ANTXR2: variants seen among roughly 807,000 people sequenced by gnomAD.
ANTXR2 encodes ANTXR cell adhesion molecule 2, also known as anthrax toxin receptor 2.
Under a neutral mutation model 73.7 loss-of-function variants are expected in ANTXR2, and 44 were observed. The ratio of observed to expected loss-of-function variants is 0.60; its 90% CI spans 0.47 to 0.77. The LOEUF is 0.77. Ranked by LOEUF, ANTXR2 falls within the 30% of genes least tolerant of loss-of-function variation. The pLI, the probability that ANTXR2 is intolerant of heterozygous loss-of-function variation, is 0.00. For synonymous variants in ANTXR2, 217 were observed against 205.9 expected, an observed-to-expected ratio of 1.05 and a Z score of -0.46; for missense variants, 604 against 592.5, an observed-to-expected ratio of 1.02 and a Z score of -0.20.
chr4:79,964,451 C>CT (rs1336685549), intron 16 of ANTXR2, among the ~76,000 whole-genome samples: 8 of 152,188 alleles, frequency 5.3e-5, no homozygotes, highest in Admixed American at 5.2e-4. Flanking sequence ...GAGTCCACGG[C>CT]TTAATGGAGG....
At chr4:79,923,743 C>G (rs1422150116) in intron 16 of ANTXR2, among the ~76,000 whole-genome samples, 1 of 152,086 alleles carries the variant, frequency 6.6e-6, no homozygotes, top group Non-Finnish European at 1.5e-5. Context: ...TAACTGACTT[C>G]ATAGGTATTT....
chr4:79,905,601 G>A lies in ANTXR2; in HGVS notation c.*1828C>T, dbSNP rs549449056. ...GTAAAATTTTTATTTATGAATGTGTGGACACATGACTTTGGATCCAGCCAG... is the reference window on the plus strand; with the variant it reads ...GTAAAATTTTTATTTATGAATGTGTAGACACATGACTTTGGATCCAGCCAG... On this transcript the variant is annotated 3_prime_UTR_variant, in exon 17 of 17. Coordinates refer to ENST00000403729, the MANE Select transcript of ANTXR2 (RefSeq NM_058172.6). 2 of 152,238 alleles carry A rather than the reference G, an allele frequency of 1.3e-5. No homozygotes were observed. Among genetic ancestry groups the A allele is most frequent in the African/African-American group, 2.4e-5 (1 of 41,542 alleles). 9.4% of individuals were successfully genotyped at this position (152,238 alleles called of 1,614,324 possible). A position where few individuals can be genotyped will look rare whatever the true frequency, so the allele number is the denominator to read the frequency against.
intron 3 of ANTXR2, among the ~76,000 whole-genome samples, chr4:80,065,159 A>G (rs1038501190): frequency 3.3e-5 from 5 of 152,226 alleles, no homozygotes; most frequent in African/African-American, 1.2e-4. Context: ...TTTTCAACTA[A>G]ATCTCTGTTA....
intron 11 of ANTXR2, among the ~76,000 whole-genome samples, chr4:80,010,219 A>C (rs1731506431): frequency 6.6e-6 from 1 of 152,202 alleles, no homozygotes; most frequent in African/African-American, 2.4e-5. Context: ...TTCATGAATA[A>C]ATCAGCTACC....
At chr4:79,999,377 C>G (rs144008527) in intron 12 of ANTXR2, among the ~76,000 whole-genome samples, 4 of 151,934 alleles carry the variant, frequency 2.6e-5, no homozygotes, top group Non-Finnish European at 4.4e-5. Context: ...TGAAGAAGGT[C>G]TTTGCTTCCT....
chr4:80,004,961 A>G (rs1474546318), intron 12 of ANTXR2, among the ~76,000 whole-genome samples: 1 of 152,132 alleles, frequency 6.6e-6, no homozygotes, highest in Non-Finnish European at 1.5e-5. Context: ...AAAACCTGAG[A>G]ATCTCTGTCT....
At chr4:79,958,125 C>G (rs1285494292) in intron 16 of ANTXR2, among the ~76,000 whole-genome samples, 1 of 151,970 alleles carries the variant, frequency 6.6e-6, no homozygotes, top group Admixed American at 6.6e-5. Flanking sequence ...TATATCACCT[C>G]ATAATCTGAT....
At chr4:79,912,269 T>C (rs1727174763) in intron 16 of ANTXR2, among the ~76,000 whole-genome samples, 1 of 151,932 alleles carries the variant, frequency 6.6e-6, no homozygotes, top group African/African-American at 2.4e-5. Flanking sequence ...CAGATATCAG[T>C]TATGTTGTAG....
At chr4:80,007,589 C>A (rs1054399651) in intron 12 of ANTXR2, among the ~76,000 whole-genome samples, 2 of 152,138 alleles carry the variant, frequency 1.3e-5, no homozygotes, top group South Asian at 2.1e-4. Flanking sequence ...TAGCTAAGTG[C>A]GTCCAATCTA....
Position 79,904,883 on chromosome 4 carries a change from A to AT in ANTXR2, c.*2545dup, listed in dbSNP as rs974417580. ...CTTTTTTTGGTGGAAAAGTATAGGG[A>AT]TTTTTGATCTGGTCTTTTGGTAAGA... On this transcript the variant is annotated 3_prime_UTR_variant, in exon 17 of 17. Coordinates refer to ENST00000403729, the MANE Select transcript of ANTXR2 (RefSeq NM_058172.6). The AT allele has an allele frequency of 6.6e-6, 1 of 152,236 alleles. No homozygotes were observed. The highest frequency in any genetic ancestry group is 2.1e-4 in the South Asian group (1 of 4,828). 9.4% of individuals were successfully genotyped at this position (152,236 alleles called of 1,614,324 possible). A position where few individuals can be genotyped will look rare whatever the true frequency, so the allele number is the denominator to read the frequency against.
At chr4:79,928,642 C>T (rs937726565) in intron 16 of ANTXR2, among the ~76,000 whole-genome samples, 19 of 151,978 alleles carry the variant, frequency 1.3e-4, no homozygotes, top group African/African-American at 4.6e-4. Flanking sequence ...TTTAAAAAAT[C>T]TATATGCCAG....
chr4:80,060,575 T>C lies in ANTXR2; in HGVS notation c.297-4562A>G, dbSNP rs143394786. Among the ~76,000 whole-genome samples the C allele has an allele frequency of 5.5e-3, 838 of 152,290 alleles. 7 individuals are homozygous for C. Among genetic ancestry groups the C allele is most frequent in the South Asian group, 0.028 (135 of 4,830 alleles). ...TAGTTCCAAGCTCAACCTTGTTTCTTCATTTATAAAATAGGAATATAAATA... is the reference window on the plus strand; with the variant it reads ...TAGTTCCAAGCTCAACCTTGTTTCTCCATTTATAAAATAGGAATATAAATA... On this transcript the variant is annotated intron_variant, in intron 3 of 16. Coordinates refer to ENST00000403729, the MANE Select transcript of ANTXR2 (RefSeq NM_058172.6).
chr4:80,030,759 T>C (rs1310031663), intron 10 of ANTXR2, among the ~76,000 whole-genome samples: 1 of 152,112 alleles, frequency 6.6e-6, no homozygotes, highest in African/African-American at 2.4e-5. Context: ...AATATCATTT[T>C]CAGTCTCTAA....
intron 16 of ANTXR2, among the ~76,000 whole-genome samples, chr4:79,920,072 A>G (rs893696063): frequency 1.3e-5 from 2 of 151,440 alleles, no homozygotes; most frequent in Non-Finnish European, 2.9e-5. Flanking sequence ...TTAACTCACC[A>G]TTTTTTTCCC....
intron 11 of ANTXR2, among the ~76,000 whole-genome samples, chr4:80,014,623 G>A (rs1019029647): frequency 2.6e-5 from 4 of 152,024 alleles, no homozygotes; most frequent in African/African-American, 7.2e-5. Flanking sequence ...ATATTTCTCC[G>A]CCTTTTGAAA....
intron 11 of ANTXR2, among the ~76,000 whole-genome samples, chr4:80,018,079 T>C (rs1471120722): frequency 6.6e-6 from 1 of 152,126 alleles, no homozygotes; most frequent in Non-Finnish European, 1.5e-5. Flanking sequence ...AATTAGTAGA[T>C]CAAAATCAAA....
At chr4:79,962,843 G>A (rs545332674) in intron 16 of ANTXR2, among the ~76,000 whole-genome samples, 1 of 152,144 alleles carries the variant, frequency 6.6e-6, no homozygotes, top group South Asian at 2.1e-4. Context: ...ATGATTTTTG[G>A]GGTAATAATA....
chr4:80,046,717 C>A (rs537878790), intron 7 of ANTXR2, among the ~76,000 whole-genome samples: 93 of 151,758 alleles, frequency 6.1e-4, no homozygotes, highest in African/African-American at 2.1e-3. Context: ...CTTACTAATT[C>A]TTCTATTAAT....
chr4:80,056,855 TAG>T (rs918685830), intron 3 of ANTXR2, among the ~76,000 whole-genome samples: 5 of 151,930 alleles, frequency 3.3e-5, no homozygotes, highest in Non-Finnish European at 7.4e-5. Context: ...TCCCAATTTT[TAG>T]AGTTTTTAAA....
Sources: gnomAD v4.1 joint callset for allele counts (sites outside exome capture counted in the v4.1 genomes callset) on GRCh38, gnomAD v4.1.1 for gene constraint, MANE v1.5 for transcripts, NCBI Gene and HGNC (gene_info 2026-07-23, HGNC 2026-07-21) for gene names.